Variants in UBE2E1 observed in about 807,000 individuals in gnomAD.
UBE2E1 encodes the protein ubiquitin conjugating enzyme E2 E1, also known as ubiquitin-conjugating enzyme E2 E1.
In UBE2E1, 6 loss-of-function variants were observed where a neutral mutation model predicts 21.4. The observed-to-expected ratio is 0.28, with a 90% CI of 0.15 to 0.55. The LOEUF (loss-of-function observed/expected upper bound fraction) is 0.55. Among genes scored for constraint, UBE2E1 ranks in the 20% least tolerant of loss-of-function variants. The pLI is 0.93. For synonymous variants in UBE2E1, 87 were observed against 82.7 expected, an observed-to-expected ratio of 1.05 and a Z score of -0.28; for missense variants, 142 against 236.5, an observed-to-expected ratio of 0.60 and a Z score of 2.62.
rs2125288614 is a variant in UBE2E1, at chr3:23,823,586, T to G, written c.203+12076T>G. On this transcript the variant is annotated intron_variant, in intron 3 of 5. Coordinates refer to ENST00000306627, the MANE Select transcript of UBE2E1 (RefSeq NM_003341.5). The surrounding 1 kb of genome is among the most constrained non-coding windows in gnomAD (Gnocchi z 4.2). ...AATTGGTGTTATAAAAATTTATTTC[T>G]TAGCAGACTTTGCTACAACACATTT... Among the ~76,000 whole-genome samples the G allele has an allele frequency of 6.6e-6, 1 of 152,380 alleles. No individual in the cohort carries two copies. Among genetic ancestry groups the G allele is most frequent in the Non-Finnish European group, 1.5e-5 (1 of 68,040 alleles).
chr3:23,822,870 G>A (rs1265677006), intron 3 of UBE2E1, among the ~76,000 whole-genome samples: 2 of 118,226 alleles, frequency 1.7e-5, no homozygotes, highest in African/African-American at 3.2e-5. Flanking sequence ...TTCCAGAGAC[G>A]GAGCCTTGCT....
intron 3 of UBE2E1, among the ~76,000 whole-genome samples, chr3:23,865,062 A>G (rs1343712374): frequency 1.3e-5 from 2 of 152,206 alleles, no homozygotes; most frequent in East Asian, 3.8e-4. Flanking sequence ...CAATACACAC[A>G]TTTAGTATCT....
At chr3:23,867,901 A>G (rs1700693751) in intron 3 of UBE2E1, among the ~76,000 whole-genome samples, 1 of 152,252 alleles carries the variant, frequency 6.6e-6, no homozygotes, top group African/African-American at 2.4e-5. Context: ...TCTGTCCTTC[A>G]ATGTGACCAC....
At chr3:23,852,934 G>C (rs1237022619) in intron 3 of UBE2E1, among the ~76,000 whole-genome samples, 14 of 147,014 alleles carry the variant, frequency 9.5e-5, no homozygotes, top group Non-Finnish European at 1.9e-4. Flanking sequence ...TTTTTGTTTT[G>C]AGATGGAGTT....
rs1265174129 is a variant in UBE2E1 at position 23,891,053 on chromosome 3, T to C, written c.*447T>C. On this transcript the variant is annotated 3_prime_UTR_variant, in exon 6 of 6. Transcript: ENST00000306627. Reference sequence around the variant, plus strand: ...TTAACAGAGTTTTTAGAGATTGTCATCTCATATATATAAAATGGACACGTG... The same window carrying C: ...TTAACAGAGTTTTTAGAGATTGTCACCTCATATATATAAAATGGACACGTG... 1 of 153,190 alleles carries C rather than the reference T, an allele frequency of 6.5e-6. No homozygotes were observed. The highest frequency in any genetic ancestry group is 1.5e-5 in the Non-Finnish European group (1 of 68,464). The allele number at this position is 153,190 out of a possible 1,614,324, so 9.5% of individuals were successfully genotyped here.
chr3:23,859,070 C>T lies in UBE2E1; in HGVS notation c.204-28497C>T, dbSNP rs76383486. Among the ~76,000 whole-genome samples the T allele has an allele frequency of 1.4e-3, 207 of 152,096 alleles. 4 individuals are homozygous for T. The East Asian group carries it at 0.022, about 16-fold the overall frequency. Reference sequence around the variant, plus strand: ...TTTGTGTATCTTACTAGAATTTTGCCATATTCATTAAATGGAACTGATTGC... The same window carrying T: ...TTTGTGTATCTTACTAGAATTTTGCTATATTCATTAAATGGAACTGATTGC... On this transcript the variant is annotated intron_variant, in intron 3 of 5. Coordinates refer to ENST00000306627, the MANE Select transcript of UBE2E1 (RefSeq NM_003341.5).
At chr3:23,875,173 C>G (rs2125322866) in intron 3 of UBE2E1, among the ~76,000 whole-genome samples, 1 of 152,162 alleles carries the variant, frequency 6.6e-6, no homozygotes, top group East Asian at 1.9e-4. Flanking sequence ...GTCCCTAGAG[C>G]AGCAGCATAT....
chr3:23,842,349 C>T lies in UBE2E1; in HGVS notation c.203+30839C>T, dbSNP rs1180679674. Among the ~76,000 whole-genome samples, 1 of 151,946 alleles carries T rather than the reference C, an allele frequency of 6.6e-6. No homozygotes were observed. Among genetic ancestry groups the T allele is most frequent in the Non-Finnish European group, 1.5e-5 (1 of 68,006 alleles). On this transcript the variant is annotated intron_variant, in intron 3 of 5. Transcript: ENST00000306627. This position sits in a 1 kb window ranked among gnomAD's most constrained non-coding sequence, Gnocchi z 4.6. ...GCAGCCTCAACCTCATGGGCTCAGG[C>T]AGTCCTCCCACCTCGCCTCCTGAGT... is the stretch of plus-strand genomic sequence containing the variant.
intron 5 of UBE2E1, chr3:23,889,834 G>A (rs1701318310): frequency 5.7e-6 from 5 of 879,500 alleles, no homozygotes; most frequent in Non-Finnish European, 5.5e-6. Flanking sequence ...AAGCTGCAGT[G>A]AGCCATGAGC....
chr3:23,829,597 A>G (rs1575813594), intron 3 of UBE2E1, among the ~76,000 whole-genome samples: 1 of 152,116 alleles, frequency 6.6e-6, no homozygotes, highest in South Asian at 2.1e-4. Context: ...GAGCCCCCAT[A>G]CCTGCCCCTC....
At chr3:23,862,831 T>C (rs1327198455) in intron 3 of UBE2E1, among the ~76,000 whole-genome samples, 3 of 152,098 alleles carry the variant, frequency 2.0e-5, no homozygotes, top group Non-Finnish European at 2.9e-5. Context: ...GCTCAGGCAT[T>C]TCTCCCACCT....
At position 23,810,539 on chromosome 3, in the gene UBE2E1, G is replaced by C. The variant is rs537810997; in HGVS notation, c.153-921G>C. 1.2e-5 allele frequency: 19 copies of C among 1,534,120 alleles called. No individual in the cohort carries two copies. In the African/African-American group the frequency reaches 2.3e-4, roughly 19 times the overall value. On this transcript the variant is annotated intron_variant, in intron 2 of 5. Coordinates refer to ENST00000306627, the MANE Select transcript of UBE2E1 (RefSeq NM_003341.5). This position sits in a 1 kb window ranked among gnomAD's most constrained non-coding sequence, Gnocchi z 5.8. ...CCCGGGGAAAAGCAGGTCCGGGGAGGTGGGCCGAGAGTCCCGGCCAGCGTG... is the reference window on the plus strand; with the variant it reads ...CCCGGGGAAAAGCAGGTCCGGGGAGCTGGGCCGAGAGTCCCGGCCAGCGTG...
rs1339594742 is a variant in UBE2E1 at position 23,853,060 on chromosome 3, G to A, written c.204-34507G>A. The stretch of plus-strand genomic sequence containing the variant: ...GCCTCCCAAGTAGCTGGGATTACAG[G>A]CATGCGGCACCACACCCAGCTAATT... On this transcript the variant is annotated intron_variant, in intron 3 of 5. Coordinates refer to ENST00000306627, the MANE Select transcript of UBE2E1 (RefSeq NM_003341.5). This position sits in a 1 kb window ranked among gnomAD's most constrained non-coding sequence, Gnocchi z 4.1. Among the ~76,000 whole-genome samples, 1 of 152,024 alleles carries A rather than the reference G, an allele frequency of 6.6e-6. No individual in the cohort carries two copies. The highest frequency in any genetic ancestry group is 1.5e-5 in the Non-Finnish European group (1 of 68,032).
chr3:23,848,195 G>A (rs377075823), intron 3 of UBE2E1, among the ~76,000 whole-genome samples: 11 of 152,140 alleles, frequency 7.2e-5, no homozygotes, highest in South Asian at 2.1e-4. Flanking sequence ...TAGGCTGGGC[G>A]TAATAGCTGA....
intron 3 of UBE2E1, among the ~76,000 whole-genome samples, chr3:23,838,240 G>T (rs1700010369): frequency 6.6e-6 from 1 of 151,760 alleles, no homozygotes. Flanking sequence ...GTTAATTTTT[G>T]AACTTCTTGG....
intron 3 of UBE2E1, among the ~76,000 whole-genome samples, chr3:23,886,755 C>T (rs553677676): frequency 8.4e-4 from 128 of 152,310 alleles, no homozygotes; most frequent in African/African-American, 2.9e-3. Context: ...GACATTTAAC[C>T]CTCTGCCTAG....
At chr3:23,874,619 C>G (rs1474142918) in intron 3 of UBE2E1, among the ~76,000 whole-genome samples, 3 of 152,178 alleles carry the variant, frequency 2.0e-5, no homozygotes, top group African/African-American at 4.8e-5. Flanking sequence ...CACACACACA[C>G]AGCATTGGAT....
At chr3:23,867,816 T>C (rs533527797) in intron 3 of UBE2E1, among the ~76,000 whole-genome samples, 29 of 152,192 alleles carry the variant, frequency 1.9e-4, no homozygotes, top group Non-Finnish European at 3.4e-4. Flanking sequence ...AACAGTGAGA[T>C]AGTATCCATT....
chr3:23,885,210 A>G (rs1471479720), intron 3 of UBE2E1, among the ~76,000 whole-genome samples: 1 of 152,142 alleles, frequency 6.6e-6, no homozygotes, highest in Admixed American at 6.6e-5. Flanking sequence ...TCTCTTTAAG[A>G]ACACTAATCC....
Sources: allele counts gnomAD v4.1 joint callset (sites outside exome capture counted in the v4.1 genomes callset), GRCh38; gene constraint gnomAD v4.1.1; non-coding constraint Gnocchi (gnomAD v3.1); transcripts MANE v1.5; gene names NCBI Gene and HGNC (gene_info 2026-07-23, HGNC 2026-07-21).